Variants in FLNB observed in about 807,000 individuals in gnomAD.
FLNB encodes the protein filamin B.
In FLNB, 111 loss-of-function variants were observed where a neutral mutation model predicts 250.6. The observed-to-expected ratio is 0.44, with a 90% confidence interval of 0.38 to 0.52. The LOEUF is 0.52. FLNB is among the 20% of genes least tolerant of loss of function. FLNB has a pLI of 0.00. For synonymous variants in FLNB, 1,302 were observed against 1,372.1 expected, an observed-to-expected ratio of 0.95 and a Z score of 1.13; for missense variants, 2,869 against 3,447.8, an observed-to-expected ratio of 0.83 and a Z score of 4.20.
At chr3:58,042,505 T>A (rs570726459) in intron 1 of FLNB, among the ~76,000 whole-genome samples, 1 of 152,066 alleles carries the variant, frequency 6.6e-6, no homozygotes, top group South Asian at 2.1e-4. Context: ...TGTGCCACCA[T>A]GCCCAGCAAA....
At position 58,161,729 on chromosome 3, in the gene FLNB, G is replaced by T. The variant is rs2097362072; in HGVS notation, c.7022-1425G>T. Among the ~76,000 whole-genome samples, 3 of 152,146 alleles carry T rather than the reference G, an allele frequency of 2.0e-5. No individual in the cohort carries two copies. The South Asian group carries it at 6.2e-4, about 32-fold the overall frequency. ...GCCCTGCAAGGCGTCAAATATTTCT[G>T]CTGTTCTGCTTTGTGGGCCTGGTTC... On this transcript the variant is annotated intron_variant, in intron 42 of 45. Coordinates refer to ENST00000295956, the MANE Select transcript of FLNB (RefSeq NM_001457.4).
intron 45 of FLNB, chr3:58,170,359 C>G: frequency 1.7e-6 from 1 of 589,286 alleles, no homozygotes; most frequent in South Asian, 2.0e-5. Context: ...AGGTGAGATT[C>G]CAGTCCAAGG....
In FLNB at chr3:58,094,968, T is replaced by C. The variant is rs1559688254; in HGVS notation, c.906+14T>C. On this transcript the variant is annotated intron_variant, in intron 5 of 45. Coordinates refer to ENST00000295956, the MANE Select transcript of FLNB (RefSeq NM_001457.4). The stretch of plus-strand genomic sequence containing the variant: ...AACAAAGAGGAGGTATGTTGGAGGA[T>C]GCTGCCTCTCCTTTCCAGCACCTCA... 1 of 1,589,312 alleles carries C rather than the reference T, an allele frequency of 6.3e-7. No individual in the cohort carries two copies. Among genetic ancestry groups the C allele is most frequent in the Non-Finnish European group, 8.6e-7 (1 of 1,157,340 alleles).
chr3:58,097,773 A>G (rs1378895219), intron 6 of FLNB, 42 bp from the exon 7 acceptor site: 6 of 1,596,344 alleles, frequency 3.8e-6, no homozygotes, highest in Non-Finnish European at 5.1e-6. Flanking sequence ...TGCTGGGCAC[A>G]GAGAAGTGAT....
intron 1 of FLNB, among the ~76,000 whole-genome samples, chr3:58,018,810 GC>G (rs1314862460): frequency 5.3e-5 from 8 of 151,972 alleles, no homozygotes; most frequent in African/African-American, 1.9e-4. Context: ...GAGCCATTGT[GC>G]CCCGCCTATG....
chr3:58,043,190 G>A (rs138559064), intron 1 of FLNB, among the ~76,000 whole-genome samples: 2 of 138,642 alleles, frequency 1.4e-5, no homozygotes, highest in Admixed American at 1.5e-4. Context: ...TCTGTTGCCC[G>A]GGGGAATGAT....
At chr3:58,168,942 G>A in intron 44 of FLNB, 2 of 399,216 alleles carry the variant, frequency 5.0e-6, no homozygotes, top group South Asian at 2.9e-5. Flanking sequence ...TTTAGATCAG[G>A]GTCTGAAAAA....
intron 4 of FLNB, among the ~76,000 whole-genome samples, chr3:58,086,591 A>G (rs1182061327): frequency 2.0e-5 from 3 of 152,194 alleles, no homozygotes; most frequent in African/African-American, 7.2e-5. Context: ...TTAGGCAGAA[A>G]GATTATCTTA....
intron 42 of FLNB, among the ~76,000 whole-genome samples, chr3:58,162,298 C>T (rs1414590034): frequency 1.3e-5 from 2 of 152,050 alleles, no homozygotes; most frequent in African/African-American, 4.8e-5. Flanking sequence ...AGGCTCTGCA[C>T]CCTGGGCAGG....
Position 58,008,792 on chromosome 3 carries a change from G to T in FLNB, c.228G>T (p.Gln76His). 6.2e-7 allele frequency: 1 copy of T among 1,613,948 alleles called. No homozygotes were observed. The highest frequency in any genetic ancestry group is 8.5e-7 in the Non-Finnish European group (1 of 1,179,932). ...AGCGGCCCACCTTTCGCCAGATGCA[G>T]CTCGAGAATGTGTCCGTGGCGCTCG... ...YHQRPTFRQMQLENVSVALEF... is the reference protein window; with the variant it reads ...YHQRPTFRQMHLENVSVALEF... Residue 76 changes from glutamine (Q) to histidine (H), a missense_variant, in exon 1 of 46, where the codon CAG becomes CAT. Physicochemically the swap from Gln to His is conservative, Grantham distance 24 (BLOSUM62 0). Coordinates refer to ENST00000295956, the MANE Select transcript of FLNB (RefSeq NM_001457.4).
At chr3:58,121,136 C>T in intron 19 of FLNB, 105 bp from the exon 20 acceptor site, 1 of 1,446,310 alleles carries the variant, frequency 6.9e-7, no homozygotes. Flanking sequence ...ACAGTGGAGG[C>T]TGAGATAAGT....
chr3:58,017,092 A>C (rs1032430832), intron 1 of FLNB, among the ~76,000 whole-genome samples: 1 of 152,188 alleles, frequency 6.6e-6, no homozygotes, highest in Non-Finnish European at 1.5e-5. Flanking sequence ...TACTGGGAAG[A>C]AAGCTTTTTG....
intron 1 of FLNB, among the ~76,000 whole-genome samples, chr3:58,015,047 C>A (rs2097104016): frequency 6.6e-6 from 1 of 152,072 alleles, no homozygotes; most frequent in Non-Finnish European, 1.5e-5. Flanking sequence ...CATCAGTTTC[C>A]AGGTAGCATA....
At chr3:58,112,919 T>A (rs1399467438) in intron 18 of FLNB, among the ~76,000 whole-genome samples, 1 of 152,226 alleles carries the variant, frequency 6.6e-6, no homozygotes, top group East Asian at 1.9e-4. Flanking sequence ...TCACATGTGA[T>A]CTTACCATCT....
intron 9 of FLNB, 140 bp from the exon 10 acceptor site, chr3:58,103,819 C>T (rs987852160): frequency 1.1e-6 from 1 of 926,752 alleles, no homozygotes; most frequent in Non-Finnish European, 1.8e-6. Flanking sequence ...GGGAGAGGTC[C>T]CATACTCTGG....
Position 58,153,481 on chromosome 3 carries a change from G to GC in FLNB, c.6478dup (p.Gln2160ProfsTer31). The GC allele has an allele frequency of 6.2e-7, 1 of 1,614,238 alleles. No homozygotes were observed. Among genetic ancestry groups the GC allele is most frequent in the Non-Finnish European group, 8.5e-7 (1 of 1,180,050 alleles). ...AGAACTCACACTGCGTCCGGTTTGTGCCCCAGGAGATGGGCGTGCACACGG... is the reference window on the plus strand; with the variant it reads ...AGAACTCACACTGCGTCCGGTTTGTGCCCCCAGGAGATGGGCGTGCACACGG... On this transcript the variant is annotated frameshift_variant, in exon 39 of 46. Coordinates refer to ENST00000295956, the MANE Select transcript of FLNB (RefSeq NM_001457.4). LOFTEE classifies it high-confidence loss of function.
intron 19 of FLNB, among the ~76,000 whole-genome samples, chr3:58,119,391 C>T (rs565681012): frequency 6.6e-6 from 1 of 152,328 alleles, no homozygotes; most frequent in South Asian, 2.1e-4. Flanking sequence ...GCCAGCTATC[C>T]TTGGCAACTG....
At chr3:58,101,773 C>A (rs1235760040) in intron 8 of FLNB, among the ~76,000 whole-genome samples, 1 of 152,150 alleles carries the variant, frequency 6.6e-6, no homozygotes, top group Non-Finnish European at 1.5e-5. Flanking sequence ...GTTTTGGAAC[C>A]CAGACAGGCA....
At chr3:58,063,690 G>T (rs2097181540) in intron 1 of FLNB, among the ~76,000 whole-genome samples, 1 of 152,102 alleles carries the variant, frequency 6.6e-6, no homozygotes, top group Non-Finnish European at 1.5e-5. Context: ...TCCCTTTTAT[G>T]ACTTCACAAT....
Sources: gnomAD v4.1 joint callset for allele counts (sites outside exome capture counted in the v4.1 genomes callset) on GRCh38, gnomAD v4.1.1 for gene constraint, MANE v1.5 for transcripts, NCBI Gene and HGNC (gene_info 2026-07-23, HGNC 2026-07-21) for gene names.